The following NLGN1 variants were observed in gnomAD, a reference collection of about 807,000 sequenced individuals.
NLGN1 encodes the protein neuroligin-1.
In NLGN1, 12 loss-of-function variants were observed where a neutral mutation model predicts 65.5. The observed-to-expected ratio is 0.18, with a 90% CI of 0.12 to 0.30. The LOEUF (loss-of-function observed/expected upper bound fraction) is 0.30. Among genes scored for constraint, NLGN1 ranks in the 10% least tolerant of loss-of-function variants. The pLI is 1.00. For synonymous variants in NLGN1, 350 were observed against 359.5 expected (o/e 0.97, Z 0.30); for missense variants, 750 against 1,007.1 (o/e 0.74, Z 3.46).
At chr3:174,206,963 T>C (rs770768189) in intron 4 of NLGN1, among the ~76,000 whole-genome samples, 1 of 152,068 alleles carries the variant, frequency 6.6e-6, no homozygotes, top group African/African-American at 2.4e-5. Context: ...ACTTGCCTTA[T>C]TCCCCCTGGA....
At chr3:173,735,178 C>G (rs1485895127) in intron 3 of NLGN1, among the ~76,000 whole-genome samples, 1 of 151,980 alleles carries the variant, frequency 6.6e-6, no homozygotes, top group Non-Finnish European at 1.5e-5. Flanking sequence ...GCATAAGATA[C>G]AAAAAGTAAG....
chr3:173,790,899 A>G (rs1362598728), intron 3 of NLGN1, among the ~76,000 whole-genome samples: 2 of 152,194 alleles, frequency 1.3e-5, no homozygotes, highest in African/African-American at 4.8e-5. Flanking sequence ...CACAGCTAGC[A>G]TATGAAAGAG....
At chr3:173,454,302 G>A (rs1427522807) in intron 2 of NLGN1, among the ~76,000 whole-genome samples, 2 of 152,190 alleles carry the variant, frequency 1.3e-5, no homozygotes, top group Non-Finnish European at 2.9e-5. Context: ...AAGGATAAAT[G>A]ATCACTGGTT....
At chr3:174,253,190 G>GA (rs10576184) in intron 4 of NLGN1, among the ~76,000 whole-genome samples, 5,881 of 150,330 alleles carry the variant, frequency 0.039, 147 homozygotes, top group Non-Finnish European at 0.056. Context: ...CAATGTAAAA[G>GA]AAAAAAAAAT....
At chr3:174,188,433 C>T (rs1238270090) in intron 4 of NLGN1, among the ~76,000 whole-genome samples, 1 of 151,996 alleles carries the variant, frequency 6.6e-6, no homozygotes, top group Admixed American at 6.6e-5. Context: ...AGCCTAACTA[C>T]CAGTGCTTTA....
chr3:173,616,168 A>G (rs781128896), intron 3 of NLGN1, among the ~76,000 whole-genome samples: 2 of 152,172 alleles, frequency 1.3e-5, no homozygotes, highest in South Asian at 2.1e-4. Context: ...TAGTCTCTCA[A>G]TACCTTCAAA....
At chr3:173,859,946 C>G (rs917030874) in intron 4 of NLGN1, among the ~76,000 whole-genome samples, 2 of 151,774 alleles carry the variant, frequency 1.3e-5, no homozygotes, top group Admixed American at 6.6e-5. Context: ...AATGTGTGCT[C>G]TCTTATTTTC....
chr3:174,057,963 G>A lies in NLGN1; in HGVS notation c.647-217352G>A, dbSNP rs1425112807. ...CTTGTGGAGTCAAATACAGAAGGAA[G>A]AATATAAGATTTAAGATTGGCATAG... On this transcript the variant is annotated intron_variant, in intron 4 of 6. Coordinates refer to ENST00000457714, the Ensembl canonical transcript of NLGN1. 4 of 152,084 alleles carry A rather than the reference G, an allele frequency of 2.6e-5. No homozygotes were observed. The East Asian group carries it at 7.7e-4, about 29-fold the overall frequency. 9.4% of individuals were successfully genotyped at this position (152,084 alleles called of 1,614,324 possible). A position where few individuals can be genotyped will look rare whatever the true frequency, so the allele number is the denominator to read the frequency against.
At chr3:174,188,911 T>C (rs957473680) in intron 4 of NLGN1, among the ~76,000 whole-genome samples, 2 of 151,950 alleles carry the variant, frequency 1.3e-5, no homozygotes, top group African/African-American at 4.8e-5. Flanking sequence ...CTTCTATCAA[T>C]GGTAATTAAG....
At chr3:174,055,393 A>G (rs950871629) in intron 4 of NLGN1, among the ~76,000 whole-genome samples, 1 of 152,114 alleles carries the variant, frequency 6.6e-6, no homozygotes, top group Admixed American at 6.6e-5. Context: ...AAGGAACAAC[A>G]TATTTTAGGC....
chr3:173,709,133 C>T (rs1443365774), intron 3 of NLGN1, among the ~76,000 whole-genome samples: 1 of 152,158 alleles, frequency 6.6e-6, no homozygotes, highest in Non-Finnish European at 1.5e-5. Flanking sequence ...GTTATGGCAG[C>T]AATCACACTA....
rs551312730 is a variant in NLGN1, at chr3:174,286,402, G to A, written c.*5099G>A. The stretch of plus-strand genomic sequence containing the variant: ...TCAGCAGATAAATTTAAAAGAGAGG[G>A]ACCATTTTTGAATGCCATTTTCAGA... On this transcript the variant is annotated 3_prime_UTR_variant, in exon 7 of 7. Coordinates refer to ENST00000457714, the Ensembl canonical transcript of NLGN1. 5 of 151,510 alleles carry A rather than the reference G, an allele frequency of 3.3e-5. No homozygotes were observed. In the South Asian group the frequency reaches 1.0e-3, roughly 31 times the overall value. 9.4% of individuals were successfully genotyped at this position (151,510 alleles called of 1,614,324 possible). A position where few individuals can be genotyped will look rare whatever the true frequency, so the allele number is the denominator to read the frequency against.
chr3:173,900,356 G>A (rs985689951), intron 4 of NLGN1, among the ~76,000 whole-genome samples: 6 of 152,104 alleles, frequency 3.9e-5, no homozygotes, highest in Non-Finnish European at 8.8e-5. Flanking sequence ...CAGTAGAGAT[G>A]TGAATATACC....
chr3:173,655,552 C>T (rs1335262655), intron 3 of NLGN1, among the ~76,000 whole-genome samples: 1 of 151,514 alleles, frequency 6.6e-6, no homozygotes, highest in African/African-American at 2.4e-5. Flanking sequence ...CCAACTGTGC[C>T]TGAAAGAATG....
chr3:174,219,815 G>C (rs2152804125), intron 4 of NLGN1, among the ~76,000 whole-genome samples: 1 of 152,270 alleles, frequency 6.6e-6, no homozygotes, highest in South Asian at 2.1e-4. Flanking sequence ...AATGGTCAGG[G>C]AATGTTTGGT....
intron 2 of NLGN1, among the ~76,000 whole-genome samples, chr3:173,472,261 ACT>A (rs1725440138): frequency 6.6e-6 from 1 of 151,794 alleles, no homozygotes; most frequent in South Asian, 2.1e-4. Flanking sequence ...AACATATTCT[ACT>A]CTCTGTTTCC....
chr3:174,181,202 A>G (rs1730352168), intron 4 of NLGN1, among the ~76,000 whole-genome samples: 1 of 152,140 alleles, frequency 6.6e-6, no homozygotes, highest in Admixed American at 6.6e-5. Flanking sequence ...ATATAAATTC[A>G]TCAAATAAAT....
At chr3:173,953,966 A>G (rs1268810919) in intron 4 of NLGN1, among the ~76,000 whole-genome samples, 1 of 152,106 alleles carries the variant, frequency 6.6e-6, no homozygotes, top group African/African-American at 2.4e-5. Flanking sequence ...AAGATGTTCT[A>G]AAGTTAAATG....
chr3:173,592,176 C>T (rs560089037), intron 2 of NLGN1, among the ~76,000 whole-genome samples: 2 of 152,048 alleles, frequency 1.3e-5, no homozygotes, highest in Admixed American at 1.3e-4. Flanking sequence ...CTAGATTTAA[C>T]AATTAATATT....
Sources: allele counts gnomAD v4.1 joint callset (sites outside exome capture counted in the v4.1 genomes callset), GRCh38; gene constraint gnomAD v4.1.1; transcripts MANE v1.5; gene names NCBI Gene and HGNC (gene_info 2026-07-23, HGNC 2026-07-21).